The following RSRP1 variants were observed in gnomAD, a reference collection of about 807,000 sequenced individuals.
RSRP1 encodes arginine and serine rich protein 1, also known as arginine/serine-rich protein 1.
A neutral mutation model predicts 33.0 loss-of-function variants in RSRP1; 37 were observed. That is an observed-to-expected ratio of 1.12 (90% CI 0.86 to 1.48). The LOEUF (loss-of-function observed/expected upper bound fraction) is 1.48, where lower values mean the gene tolerates loss of function less well. Among genes scored for constraint, RSRP1 ranks in the 40% most tolerant of loss-of-function variants. The pLI is 0.00. For synonymous variants in RSRP1, 167 were observed against 158.7 expected (o/e 1.05, Z -0.40); for missense variants, 402 against 385.3 (o/e 1.04, Z -0.36).
intron 3 of RSRP1, chr1:25,244,429 A>T: frequency 1.6e-6 from 2 of 1,289,402 alleles, no homozygotes; most frequent in Non-Finnish European, 2.0e-6. Context: ...TAAACCTCTG[A>T]TGCTTTAGCC....
At chr1:25,291,715 C>T (rs2124644724) in intron 1 of RSRP1, among the ~76,000 whole-genome samples, 1 of 132,626 alleles carries the variant, frequency 7.5e-6, no homozygotes, top group South Asian at 2.3e-4. Flanking sequence ...TTCTTTCAGT[C>T]AGTGCGTGTC....
At position 25,275,643 on chromosome 1, in the gene RSRP1, A is replaced by C. The variant is rs559918494; in HGVS notation, c.-66-28614T>G. Among the ~76,000 whole-genome samples the C allele has an allele frequency of 1.6e-3, 216 of 133,572 alleles. 48 individuals carry two copies. The highest frequency in any genetic ancestry group is 2.9e-3 in the Non-Finnish European group (165 of 56,318). The allele number at this position is 133,572 out of a possible 152,430, so 87.6% of individuals were successfully genotyped here. ...ATATTTTGTATGTTACAATAAATACATACAAATTAGGAAAATTGAAAGAGA... is the reference window on the plus strand; with the variant it reads ...ATATTTTGTATGTTACAATAAATACCTACAAATTAGGAAAATTGAAAGAGA... On this transcript the variant is annotated intron_variant, in intron 1 of 1. Transcript: ENST00000561867.
At chr1:25,280,605 CTTTTT>C (rs71014346) in intron 1 of RSRP1, among the ~76,000 whole-genome samples, 1 of 60,732 alleles carries the variant, frequency 1.6e-5, no homozygotes, top group Non-Finnish European at 4.1e-5. Context: ...TGTGCCTGGC[CTTTTT>C]TTTTTTTTTT....
chr1:25,257,105 T>G (rs1639972269), intron 1 of RSRP1, among the ~76,000 whole-genome samples: 1 of 152,236 alleles, frequency 6.6e-6, no homozygotes, highest in East Asian at 1.9e-4. Flanking sequence ...TCGAAGGAGC[T>G]GTGTCATTTA....
At chr1:25,329,237 GTTTT>G (rs71014352) in intron 1 of RSRP1, 443 of 232,652 alleles carry the variant, frequency 1.9e-3, no homozygotes, top group African/African-American at 5.7e-3. Context: ...ATTATTCCTT[GTTTT>G]TTTTTTTTTT....
At chr1:25,244,254 G>A (rs758731797) in intron 3 of RSRP1, 1 of 1,289,130 alleles carries the variant, frequency 7.8e-7, no homozygotes, top group South Asian at 1.2e-5. Context: ...TTATGAAAGG[G>A]ACATCTTTTT....
upstream of RSRP1, among the ~76,000 whole-genome samples, chr1:25,248,787 G>A (rs1639670152): frequency 6.6e-6 from 1 of 152,178 alleles, no homozygotes; most frequent in South Asian, 2.1e-4. Context: ...TCAAGACAGT[G>A]AAGATACAAT....
rs564516243 is a variant in RSRP1 at position 25,299,664 on chromosome 1, G to A, written c.-67+38314C>T. Among the ~76,000 whole-genome samples the A allele has an allele frequency of 3.8e-5, 5 of 131,678 alleles. No individual in the cohort carries two copies. In the South Asian group the frequency reaches 1.2e-3, roughly 31 times the overall value. 86.4% of individuals were successfully genotyped at this position (131,678 alleles called of 152,430 possible). ...AGGTGAGAGTGGATCCTGCAGGGTC[G>A]TGGCAAGAACCTGGACCTTGACTTT... On this transcript the variant is annotated intron_variant, in intron 1 of 1. Coordinates refer to the RSRP1 transcript ENST00000561867.
chr1:25,256,808 T>C (rs143930877), intron 1 of RSRP1, among the ~76,000 whole-genome samples: 184 of 152,248 alleles, frequency 1.2e-3, no homozygotes, highest in African/African-American at 4.1e-3. Flanking sequence ...GCTTGACTTC[T>C]TGTATTATGC....
At chr1:25,244,285 A>G in intron 3 of RSRP1, 1 of 1,288,778 alleles carries the variant, frequency 7.8e-7, no homozygotes, top group Non-Finnish European at 1.0e-6. Context: ...CCACCGTTAC[A>G]ACGTGTACCT....
intron 1 of RSRP1, among the ~76,000 whole-genome samples, chr1:25,296,797 C>A (rs1244556969): frequency 8.1e-6 from 1 of 123,390 alleles, no homozygotes; most frequent in Non-Finnish European, 1.9e-5. Context: ...TTCCCTTTCA[C>A]CTTCCACCAT....
chr1:25,263,283 G>A (rs528733602), intron 1 of RSRP1, among the ~76,000 whole-genome samples: 6 of 151,980 alleles, frequency 3.9e-5, no homozygotes, highest in Non-Finnish European at 5.9e-5. Context: ...TGAAGATCTC[G>A]TAGGACTTTA....
rs752809400 is a variant in RSRP1, at chr1:25,300,980, T to G, written c.-67+36998A>C. Reference sequence around the variant, plus strand: ...CACATGAACATGATGCACATCTACGTGTTCGCAGCCTATTTTGGGCTGTCT... The same window carrying G: ...CACATGAACATGATGCACATCTACGGGTTCGCAGCCTATTTTGGGCTGTCT... On this transcript the variant is annotated intron_variant, in intron 1 of 1. Coordinates refer to the RSRP1 transcript ENST00000561867. 2.2e-6 allele frequency: 3 copies of G among 1,374,790 alleles called. No homozygotes were observed. In the South Asian group the frequency reaches 3.5e-5, roughly 16 times the overall value. 85.2% of individuals were successfully genotyped at this position (1,374,790 alleles called of 1,614,324 possible). A position where few individuals can be genotyped will look rare whatever the true frequency, so the allele number is the denominator to read the frequency against.
At chr1:25,307,757 C>T in intron 1 of RSRP1, 1 of 1,305,712 alleles carries the variant, frequency 7.7e-7, no homozygotes, top group Middle Eastern at 1.8e-4. Flanking sequence ...CCTACCGGTT[C>T]TTGGATGCCT....
At chr1:25,244,351 T>A in intron 3 of RSRP1, 1 of 1,288,608 alleles carries the variant, frequency 7.8e-7, no homozygotes, top group Non-Finnish European at 1.0e-6. Context: ...CTGTCCCAAA[T>A]TCTAGCATGC....
At chr1:25,311,957 T>G (rs937836378) in intron 1 of RSRP1, among the ~76,000 whole-genome samples, 2 of 128,750 alleles carry the variant, frequency 1.6e-5, no homozygotes, top group African/African-American at 5.5e-5. Context: ...CTAGTGGAGC[T>G]ACAAGGGTGG....
chr1:25,290,185 G>A lies in RSRP1; in HGVS notation c.-66-43156C>T, dbSNP rs540730585. 7.7e-4 allele frequency among the ~76,000 whole-genome samples: 101 copies of A among 130,546 alleles called. 29 individuals carry two copies. The highest frequency in any genetic ancestry group is 1.5e-3 in the Non-Finnish European group (83 of 55,502). 85.6% of individuals were successfully genotyped at this position (130,546 alleles called of 152,430 possible). A position where few individuals can be genotyped will look rare whatever the true frequency, so the allele number is the denominator to read the frequency against. ...GCCACGGAGACGGAGAGAAGGGACA[G>A]TGGCCCCAGATGGGGATGGGGTGAC... On this transcript the variant is annotated intron_variant, in intron 1 of 1. Transcript: ENST00000561867.
At chr1:25,278,099 A>G (rs1480418873) in intron 1 of RSRP1, among the ~76,000 whole-genome samples, 1 of 129,876 alleles carries the variant, frequency 7.7e-6, no homozygotes, top group Non-Finnish European at 1.8e-5. Context: ...TGTAATGACT[A>G]CTGGTCTGGA....
Position 25,274,891 on chromosome 1 carries a change from G to A in RSRP1, c.-66-27862C>T, listed in dbSNP as rs759019696. 1.2e-4 allele frequency among the ~76,000 whole-genome samples: 16 copies of A among 129,352 alleles called. 3 individuals carry two copies. The South Asian group carries it at 1.4e-3, about 12-fold the overall frequency. The allele number at this position is 129,352 out of a possible 152,430, so 84.9% of individuals were successfully genotyped here. ...GTGTGGTGGCACACGTCTATAATCC[G>A]AGCTACTTGGGAGGCCATTACACTC... On this transcript the variant is annotated intron_variant, in intron 1 of 1. Transcript: ENST00000561867.
Sources: allele counts gnomAD v4.1 joint callset (sites outside exome capture counted in the v4.1 genomes callset), GRCh38; gene constraint gnomAD v4.1.1; transcripts MANE v1.5; gene names NCBI Gene and HGNC (gene_info 2026-07-23, HGNC 2026-07-21).